Variants in JARID2 observed in about 807,000 individuals in gnomAD.
JARID2 encodes the protein protein Jumonji.
In JARID2, 21 loss-of-function variants were observed where a neutral mutation model predicts 125.6. The ratio of observed to expected loss-of-function variants is 0.17; its 90% CI spans 0.12 to 0.24. The LOEUF is 0.24. Ranked by LOEUF, JARID2 falls within the 10% of genes least tolerant of loss-of-function variation. The probability of loss-of-function intolerance (pLI) is 1.00; values close to 1 mark genes in which losing one functional copy is unlikely to be tolerated. For missense variants in JARID2, 1,303 were observed against 1,639.6 expected (o/e 0.79, Z 3.55); for synonymous variants, 736 against 661.6 (o/e 1.11, Z -1.73).
chr6:15,263,227 C>A (rs927011436), intron 1 of JARID2, among the ~76,000 whole-genome samples: 1 of 151,976 alleles, frequency 6.6e-6, no homozygotes, highest in Non-Finnish European at 1.5e-5. Flanking sequence ...ACTGGTCACA[C>A]GTGCTTGTGC....
chr6:15,317,166 A>G (rs2127435136), intron 1 of JARID2, among the ~76,000 whole-genome samples: 1 of 152,242 alleles, frequency 6.6e-6, no homozygotes, highest in South Asian at 2.1e-4. Context: ...TTTTTTCATC[A>G]GAAATAATTT....
At chr6:15,446,359 C>T (rs1212378921) in intron 3 of JARID2, among the ~76,000 whole-genome samples, 1 of 152,176 alleles carries the variant, frequency 6.6e-6, no homozygotes. Flanking sequence ...GCATGAGGTA[C>T]TGCTTTAGGA....
intron 1 of JARID2, among the ~76,000 whole-genome samples, chr6:15,307,556 T>A (rs1761875186): frequency 6.6e-6 from 1 of 152,176 alleles, no homozygotes; most frequent in African/African-American, 2.4e-5. Context: ...CATTCAAACT[T>A]TAAAATTCCT....
chr6:15,422,985 C>CT (rs375223254), intron 3 of JARID2, among the ~76,000 whole-genome samples: 40,847 of 125,810 alleles, frequency 0.32, 6,630 homozygotes, highest in Admixed American at 0.42. Context: ...GTAGCCTAGT[C>CT]TTTTTTTTTT....
At chr6:15,298,052 G>A (rs1013270643) in intron 1 of JARID2, among the ~76,000 whole-genome samples, 2 of 152,082 alleles carry the variant, frequency 1.3e-5, no homozygotes, top group Non-Finnish European at 2.9e-5. Context: ...CTCTTCTTAG[G>A]AGCTCTTTAG....
chr6:15,260,727 A>C (rs1759841293), intron 1 of JARID2, among the ~76,000 whole-genome samples: 1 of 152,228 alleles, frequency 6.6e-6, no homozygotes, highest in Non-Finnish European at 1.5e-5. Context: ...TAATGATGCT[A>C]TTAAAATGGG....
intron 8 of JARID2, among the ~76,000 whole-genome samples, chr6:15,502,909 C>T (rs1397218992): frequency 6.6e-6 from 1 of 152,234 alleles, no homozygotes; most frequent in South Asian, 2.1e-4. Context: ...GAATGTTTTA[C>T]TGAGAAGCCT....
chr6:15,494,091 G>A (rs1770287484), intron 6 of JARID2, among the ~76,000 whole-genome samples: 1 of 152,184 alleles, frequency 6.6e-6, no homozygotes, highest in Non-Finnish European at 1.5e-5. Flanking sequence ...CCATGGGCCT[G>A]GCTCCTAAGA....
At chr6:15,454,415 A>G (rs1045331829) in intron 4 of JARID2, among the ~76,000 whole-genome samples, 10 of 152,220 alleles carry the variant, frequency 6.6e-5, no homozygotes, top group African/African-American at 2.2e-4. Flanking sequence ...CCTTGAAAAC[A>G]GGGAGATACG....
chr6:15,350,421 T>C (rs1763382860), intron 1 of JARID2, among the ~76,000 whole-genome samples: 1 of 152,216 alleles, frequency 6.6e-6, no homozygotes, highest in Non-Finnish European at 1.5e-5. Context: ...AAAACGTGCA[T>C]CTAATCAGGT....
chr6:15,519,069 C>G (rs532581489), intron 17 of JARID2, among the ~76,000 whole-genome samples: 3 of 152,158 alleles, frequency 2.0e-5, no homozygotes, highest in Admixed American at 2.0e-4. Flanking sequence ...CGCCTGCCGC[C>G]GAGCCTAGTG....
chr6:15,285,343 T>A (rs1760955730), intron 1 of JARID2, among the ~76,000 whole-genome samples: 1 of 152,118 alleles, frequency 6.6e-6, no homozygotes, highest in South Asian at 2.1e-4. Flanking sequence ...CAGGCTGGTC[T>A]CCAACTGCTA....
At chr6:15,378,497 A>G (rs9464786) in intron 2 of JARID2, among the ~76,000 whole-genome samples, 76,797 of 151,552 alleles carry the variant, frequency 0.51, 19,514 homozygotes, top group South Asian at 0.59. Context: ...GCACTCAGAG[A>G]CTCTCAGAGA....
intron 3 of JARID2, among the ~76,000 whole-genome samples, chr6:15,418,849 A>G (rs1016248076): frequency 2.0e-5 from 3 of 152,220 alleles, no homozygotes; most frequent in African/African-American, 7.2e-5. Flanking sequence ...GGCTTTTAAC[A>G]GGTATGATAT....
chr6:15,503,664 C>T (rs1400464906), intron 8 of JARID2, among the ~76,000 whole-genome samples: 1 of 152,200 alleles, frequency 6.6e-6, no homozygotes, highest in Non-Finnish European at 1.5e-5. Flanking sequence ...CTGTCTCCAG[C>T]CCCTAGGATT....
chr6:15,513,519 G>T (rs1031830215), intron 16 of JARID2, 97 bp downstream of exon 16: 4 of 1,180,072 alleles, frequency 3.4e-6, no homozygotes, highest in Non-Finnish European at 4.7e-6. Flanking sequence ...CTCTGCCCAG[G>T]AGACCTGCTG....
intron 1 of JARID2, among the ~76,000 whole-genome samples, chr6:15,344,104 A>ATTTTTTTT (rs58867061): frequency 1.1e-5 from 1 of 89,166 alleles, no homozygotes; most frequent in African/African-American, 4.2e-5. Flanking sequence ...GTATGTAGTG[A>ATTTTTTTT]TTTTTTTTTT....
intron 1 of JARID2, among the ~76,000 whole-genome samples, chr6:15,301,869 T>G (rs1019337676): frequency 2.0e-5 from 3 of 152,220 alleles, no homozygotes; most frequent in Non-Finnish European, 4.4e-5. Context: ...GAAAGAGAAC[T>G]ACTTTTCTGG....
intron 2 of JARID2, among the ~76,000 whole-genome samples, chr6:15,390,432 C>T (rs910149373): frequency 2.0e-5 from 3 of 152,146 alleles, no homozygotes; most frequent in African/African-American, 7.2e-5. Flanking sequence ...TTGTGCAGCC[C>T]ATGCTTGGTG....
Sources: allele counts gnomAD v4.1 joint callset (sites outside exome capture counted in the v4.1 genomes callset), GRCh38; gene constraint gnomAD v4.1.1; transcripts MANE v1.5; gene names NCBI Gene and HGNC (gene_info 2026-07-23, HGNC 2026-07-21).